Variants in DNAJC3 observed in about 807,000 individuals in gnomAD.
DNAJC3 encodes dnaJ homolog subfamily C member 3.
In DNAJC3, 38 loss-of-function variants were observed where a neutral mutation model predicts 68.6. The ratio of observed to expected loss-of-function variants is 0.55; its 90% CI spans 0.43 to 0.73. The LOEUF is 0.73. Ranked by LOEUF, DNAJC3 falls within the 30% of genes least tolerant of loss-of-function variation. DNAJC3 has a pLI of 0.00. For missense variants in DNAJC3, 526 were observed against 591.9 expected, an observed-to-expected ratio of 0.89 and a Z score of 1.16; for synonymous variants, 203 against 204.0, an observed-to-expected ratio of 1.00 and a Z score of 0.04.
chr13:95,699,054 G>A (rs1880522672), intron 1 of DNAJC3, among the ~76,000 whole-genome samples: 2 of 152,156 alleles, frequency 1.3e-5, no homozygotes, highest in Non-Finnish European at 2.9e-5. Context: ...ATGAGAGCTG[G>A]GAACATCTCA....
intron 4 of DNAJC3, among the ~76,000 whole-genome samples, chr13:95,751,004 G>A (rs1226878570): frequency 6.6e-6 from 1 of 152,154 alleles, no homozygotes; most frequent in African/African-American, 2.4e-5. Flanking sequence ...CCAGCACTTT[G>A]GAAGGCCAAG....
At chr13:95,757,614 A>G (rs774276720) in intron 4 of DNAJC3, 30 bp from the exon 5 acceptor site, 6 of 1,520,320 alleles carry the variant, frequency 3.9e-6, no homozygotes, top group Non-Finnish European at 5.4e-6. Context: ...GAGATTAAAA[A>G]CTCTGCTTAG....
intron 9 of DNAJC3, among the ~76,000 whole-genome samples, chr13:95,774,159 G>A (rs1368413281): frequency 6.6e-6 from 1 of 152,090 alleles, no homozygotes; most frequent in Non-Finnish European, 1.5e-5. Flanking sequence ...TTGTGCTTTT[G>A]CTAGAACAGT....
At chr13:95,781,123 A>G (rs1883438691) in intron 9 of DNAJC3, among the ~76,000 whole-genome samples, 1 of 152,070 alleles carries the variant, frequency 6.6e-6, no homozygotes, top group Non-Finnish European at 1.5e-5. Flanking sequence ...GGTCAGTAAA[A>G]TGATCTATTT....
rs778884455 is a variant in DNAJC3 at position 95,790,938 on chromosome 13, G to A, written c.1423G>A (p.Gly475Ser). 43 of 1,610,016 alleles carry A rather than the reference G, an allele frequency of 2.7e-5. No homozygotes were observed. Among genetic ancestry groups the A allele is most frequent in the Admixed American group, 3.4e-5 (2 of 58,728 alleles). Residue 475 changes from glycine to serine, a missense_variant, in exon 12 of 12, where the codon GGC (glycine) becomes AGC (serine). Transcript: ENST00000602402. ...TGCAGAGAGCCAGCAAGGAGGCGGC[G>A]GCAACCCTTTCCACAGAAGCTGGAA... is the stretch of plus-strand genomic sequence containing the variant. ...LDAESQQGGG[G>S]NPFHRSWNSW...
Position 95,794,934 on chromosome 13 carries a change from T to A in DNAJC3, c.*3904T>A, listed in dbSNP as rs532375206. 6.6e-6 allele frequency: 1 copy of A among 152,386 alleles called. No individual in the cohort carries two copies. Among genetic ancestry groups the A allele is most frequent in the African/African-American group, 2.4e-5 (1 of 41,596 alleles). 9.4% of individuals were successfully genotyped at this position (152,386 alleles called of 1,614,324 possible). Reference sequence around the variant, plus strand: ...GACATGTCTACAAATATGGGTACTATTTTTATGCCCGTGTATTTTCACATT... The same window carrying A: ...GACATGTCTACAAATATGGGTACTAATTTTATGCCCGTGTATTTTCACATT... On this transcript the variant is annotated 3_prime_UTR_variant, in exon 12 of 12. Transcript: ENST00000602402.
chr13:95,773,600 T>C (rs745565763), intron 9 of DNAJC3, among the ~76,000 whole-genome samples: 28 of 152,130 alleles, frequency 1.8e-4, no homozygotes, highest in Non-Finnish European at 3.4e-4. Flanking sequence ...ATGAAGTTCA[T>C]AATATTATCT....
intron 7 of DNAJC3, among the ~76,000 whole-genome samples, chr13:95,762,326 CT>C (rs1395454560): frequency 6.6e-6 from 1 of 152,122 alleles, no homozygotes; most frequent in African/African-American, 2.4e-5. Context: ...ACAGAGCAGA[CT>C]TCTGCAGGTT....
At chr13:95,771,192 C>T (rs1247286103) in intron 9 of DNAJC3, among the ~76,000 whole-genome samples, 1 of 152,146 alleles carries the variant, frequency 6.6e-6, no homozygotes, top group Non-Finnish European at 1.5e-5. Context: ...TGTTTACTGT[C>T]TTACATTTTT....
rs185820335 is a variant in DNAJC3 at position 95,751,875 on chromosome 13, A to G, written c.394-5769A>G. Reference sequence around the variant, plus strand: ...GGGACTTCTTAAATGGCAGCAGTCAAGAGAGCATGTGCAGGTGAACTGCCC... The same window carrying G: ...GGGACTTCTTAAATGGCAGCAGTCAGGAGAGCATGTGCAGGTGAACTGCCC... On this transcript the variant is annotated intron_variant, in intron 4 of 11. Transcript: ENST00000602402. 2.6e-5 allele frequency among the ~76,000 whole-genome samples: 4 copies of G among 152,338 alleles called. No individual in the cohort carries two copies. The East Asian group carries it at 7.7e-4, about 29-fold the overall frequency.
intron 4 of DNAJC3, among the ~76,000 whole-genome samples, chr13:95,729,098 T>G (rs940989888): frequency 5.3e-5 from 8 of 152,126 alleles, no homozygotes; most frequent in African/African-American, 1.9e-4. Flanking sequence ...ACTAATAACC[T>G]CCAGTTCCAT....
chr13:95,786,145 CCTCT>C (rs1253502560), intron 10 of DNAJC3, 74 bp downstream of exon 10: 6 of 1,392,580 alleles, frequency 4.3e-6, no homozygotes, highest in African/African-American at 2.9e-5. Context: ...TGCTCTTTTT[CCTCT>C]CTGATTCATT....
At chr13:95,773,731 CTTTTTTTTTTTT>C (rs143145399) in intron 9 of DNAJC3, among the ~76,000 whole-genome samples, 121 of 71,336 alleles carry the variant, frequency 1.7e-3, no homozygotes, top group Non-Finnish European at 1.8e-3. Flanking sequence ...TTTTGTTGGT[CTTTTTTTTTTTT>C]TTTTTTTTTT....
intron 9 of DNAJC3, among the ~76,000 whole-genome samples, chr13:95,765,663 C>A (rs1275405502): frequency 2.0e-5 from 3 of 151,332 alleles, no homozygotes; most frequent in Admixed American, 2.0e-4. Flanking sequence ...CCTCCACCTC[C>A]CAATTGCAAC....
intron 1 of DNAJC3, among the ~76,000 whole-genome samples, chr13:95,698,132 T>G (rs1460680824): frequency 6.6e-6 from 1 of 152,118 alleles, no homozygotes; most frequent in Non-Finnish European, 1.5e-5. Flanking sequence ...ACCTGCCTTG[T>G]GCCTATAGAG....
intron 2 of DNAJC3, among the ~76,000 whole-genome samples, chr13:95,712,018 CACAT>C (rs1266652064): frequency 1.3e-5 from 2 of 152,174 alleles, no homozygotes; most frequent in African/African-American, 4.8e-5. Flanking sequence ...TACACACAAA[CACAT>C]ACACACACCA....
At chr13:95,698,102 T>C (rs1593959611) in intron 1 of DNAJC3, among the ~76,000 whole-genome samples, 1 of 64,284 alleles carries the variant, frequency 1.6e-5, no homozygotes. Context: ...TTTAAATGGC[T>C]TTTTTTTTTC....
intron 1 of DNAJC3, among the ~76,000 whole-genome samples, chr13:95,691,156 C>T (rs986560430): frequency 3.3e-5 from 5 of 150,544 alleles, no homozygotes; most frequent in Admixed American, 6.6e-5. Flanking sequence ...GACCCCCCCA[C>T]CTCCCTCCCG....
intron 2 of DNAJC3, among the ~76,000 whole-genome samples, chr13:95,712,374 C>CTTTTTTTTTTTTTT (rs71113952): frequency 7.4e-6 from 1 of 135,226 alleles, no homozygotes; most frequent in Non-Finnish European, 1.6e-5. Flanking sequence ...ATGCTTTTTT[C>CTTTTTTTTTTTTTT]TTTTTTTTTT....
Sources: allele counts gnomAD v4.1 joint callset (sites outside exome capture counted in the v4.1 genomes callset), GRCh38; gene constraint gnomAD v4.1.1; transcripts MANE v1.5; gene names NCBI Gene and HGNC (gene_info 2026-07-23, HGNC 2026-07-21).